LHFPL4: variants seen among roughly 807,000 people sequenced by gnomAD.
LHFPL4 encodes LHFPL tetraspan subfamily member 4.
In LHFPL4, 6 loss-of-function variants were observed where a neutral mutation model predicts 20.0. That is an observed-to-expected ratio of 0.30 (90% CI 0.16 to 0.59). The LOEUF (loss-of-function observed/expected upper bound fraction) is 0.59, where lower values mean the gene tolerates loss of function less well. Among genes scored for constraint, LHFPL4 ranks in the 20% least tolerant of loss-of-function variants. The pLI, the probability that LHFPL4 is intolerant of heterozygous loss-of-function variation, is 0.88. For missense variants in LHFPL4, 215 were observed against 331.2 expected, an observed-to-expected ratio of 0.65 and a Z score of 2.72; for synonymous variants, 129 against 143.8, an observed-to-expected ratio of 0.90 and a Z score of 0.74.
chr3:9,528,363 T>A (rs2046387731), intron 2 of LHFPL4, among the ~76,000 whole-genome samples: 1 of 152,218 alleles, frequency 6.6e-6, no homozygotes, highest in African/African-American at 2.4e-5. Flanking sequence ...AAGAAACCAC[T>A]GTCTGCTCAT....
At chr3:9,528,140 G>T (rs141665894) in intron 2 of LHFPL4, among the ~76,000 whole-genome samples, 2 of 152,290 alleles carry the variant, frequency 1.3e-5, no homozygotes, top group East Asian at 3.9e-4. Flanking sequence ...AACGAAGTTT[G>T]CCACATCGAT....
At chr3:9,532,227 C>T (rs1399912238) in intron 2 of LHFPL4, among the ~76,000 whole-genome samples, 1 of 152,160 alleles carries the variant, frequency 6.6e-6, no homozygotes, top group African/African-American at 2.4e-5. Context: ...CGGGATTTCA[C>T]CATGTTGGCC....
intron 2 of LHFPL4, among the ~76,000 whole-genome samples, chr3:9,514,782 A>G (rs1436777765): frequency 1.3e-5 from 2 of 152,188 alleles, no homozygotes; most frequent in African/African-American, 2.4e-5. Context: ...TCAGACTTGG[A>G]CTTAGTAATA....
At chr3:9,529,800 T>C (rs1233787842) in intron 2 of LHFPL4, among the ~76,000 whole-genome samples, 1 of 151,876 alleles carries the variant, frequency 6.6e-6, no homozygotes, top group Non-Finnish European at 1.5e-5. Flanking sequence ...ACCTGGCTAA[T>C]TTTTGTATTT....
At chr3:9,517,714 G>A (rs1200264643) in intron 2 of LHFPL4, among the ~76,000 whole-genome samples, 2 of 141,766 alleles carry the variant, frequency 1.4e-5, no homozygotes, top group Non-Finnish European at 3.1e-5. Context: ...AAATCCACTT[G>A]TTCATTTCTG....
intron 2 of LHFPL4, among the ~76,000 whole-genome samples, chr3:9,535,818 T>G (rs2046441102): frequency 6.6e-6 from 1 of 152,130 alleles, no homozygotes; most frequent in South Asian, 2.1e-4. Flanking sequence ...AATTTCTTTT[T>G]GAGATAGGGT....
At chr3:9,547,225 G>C (rs2046520902) in intron 2 of LHFPL4, among the ~76,000 whole-genome samples, 1 of 152,188 alleles carries the variant, frequency 6.6e-6, no homozygotes. Flanking sequence ...CTAGACTCAA[G>C]CAACCCTTCT....
chr3:9,552,740 A>G lies in LHFPL4; in HGVS notation c.-61T>C. 9.5e-7 allele frequency: 1 copy of G among 1,047,416 alleles called. No individual in the cohort carries two copies. Among genetic ancestry groups the G allele is most frequent in the Non-Finnish European group, 1.2e-6 (1 of 845,280 alleles). 64.9% of individuals were successfully genotyped at this position (1,047,416 alleles called of 1,614,324 possible). A position where few individuals can be genotyped will look rare whatever the true frequency, so the allele number is the denominator to read the frequency against. On this transcript the variant is annotated 5_prime_UTR_variant, in exon 2 of 4. Transcript: ENST00000287585. The stretch of plus-strand genomic sequence containing the variant: ...GGCGGGGGCCGCCGGCCCGGGACGG[A>G]GCGCCGGGCTGCCGGGCGGGAGCTG...
chr3:9,538,960 A>G (rs2046460593), intron 2 of LHFPL4, among the ~76,000 whole-genome samples: 1 of 151,956 alleles, frequency 6.6e-6, no homozygotes, highest in Non-Finnish European at 1.5e-5. Flanking sequence ...TTGGCCTCTC[A>G]AAGTGCTGGG....
chr3:9,514,692 A>G (rs1299733962), intron 2 of LHFPL4, among the ~76,000 whole-genome samples: 1 of 152,190 alleles, frequency 6.6e-6, no homozygotes, highest in Admixed American at 6.5e-5. Context: ...GTGGGCAACC[A>G]CACTGATTGT....
intron 2 of LHFPL4, among the ~76,000 whole-genome samples, chr3:9,508,334 C>G (rs981534488): frequency 6.6e-6 from 1 of 152,184 alleles, no homozygotes; most frequent in Non-Finnish European, 1.5e-5. Flanking sequence ...GACACTGCAG[C>G]AGGGCTCCTC....
At chr3:9,534,990 GGGA>G (rs1382404513) in intron 2 of LHFPL4, among the ~76,000 whole-genome samples, 1 of 152,022 alleles carries the variant, frequency 6.6e-6, no homozygotes, top group East Asian at 1.9e-4. Context: ...TAAGAGCAAG[GGGA>G]GGAGAAGGAG....
intron 2 of LHFPL4, among the ~76,000 whole-genome samples, chr3:9,551,703 G>C (rs566773158): frequency 6.6e-6 from 1 of 152,184 alleles, no homozygotes; most frequent in African/African-American, 2.4e-5. Context: ...TCAAACAGTG[G>C]ATAAGCACAA....
intron 2 of LHFPL4, among the ~76,000 whole-genome samples, chr3:9,534,724 T>G (rs1334205288): frequency 2.0e-5 from 3 of 152,208 alleles, no homozygotes; most frequent in African/African-American, 7.2e-5. Context: ...TTTCATTCAC[T>G]TGGAATGAAA....
intron 2 of LHFPL4, among the ~76,000 whole-genome samples, chr3:9,520,990 C>T (rs544789549): frequency 2.6e-5 from 4 of 152,136 alleles, no homozygotes; most frequent in Non-Finnish European, 4.4e-5. Context: ...TTTTCCATTT[C>T]TGATAGAGAG....
chr3:9,504,510 T>C (rs1471148112), intron 3 of LHFPL4, among the ~76,000 whole-genome samples: 1 of 150,990 alleles, frequency 6.6e-6, no homozygotes, highest in Non-Finnish European at 1.5e-5. Flanking sequence ...TCATATTTAT[T>C]ATTTCTTTGC....
At chr3:9,551,243 A>G (rs1243794660) in intron 2 of LHFPL4, among the ~76,000 whole-genome samples, 6 of 152,144 alleles carry the variant, frequency 3.9e-5, no homozygotes, top group African/African-American at 1.4e-4. Context: ...CTTATTTTAA[A>G]AAACCATCTC....
chr3:9,542,200 C>G (rs2648400), intron 2 of LHFPL4, among the ~76,000 whole-genome samples: 6 of 152,038 alleles, frequency 3.9e-5, no homozygotes, highest in African/African-American at 1.4e-4. Flanking sequence ...GCACAAGAAT[C>G]GCTTGAACCC....
chr3:9,512,314 C>A (rs1166274863), intron 2 of LHFPL4, among the ~76,000 whole-genome samples: 1 of 152,194 alleles, frequency 6.6e-6, no homozygotes, highest in African/African-American at 2.4e-5. Context: ...ATTTGCCCAA[C>A]CCATTTCGTA....
Sources: gnomAD v4.1 joint callset for allele counts (sites outside exome capture counted in the v4.1 genomes callset) on GRCh38, gnomAD v4.1.1 for gene constraint, MANE v1.5 for transcripts, NCBI Gene and HGNC (gene_info 2026-07-23, HGNC 2026-07-21) for gene names.